Variants in APC observed in about 807,000 individuals in gnomAD.
APC encodes the protein APC regulator of Wnt signaling pathway.
A neutral mutation model predicts 247.0 loss-of-function variants in APC; 72 were observed. That is an observed-to-expected ratio of 0.29 (90% CI 0.24 to 0.35). The LOEUF (loss-of-function observed/expected upper bound fraction) is 0.35. Among genes scored for constraint, APC ranks in the 10% least tolerant of loss-of-function variants. APC has a pLI of 1.00. For synonymous variants in APC, 1,254 were observed against 1,162.5 expected, an observed-to-expected ratio of 1.08 and a Z score of -1.60; for missense variants, 3,400 against 3,360.7, an observed-to-expected ratio of 1.01 and a Z score of -0.29.
chr5:112,758,290 C>T (rs528058282), intron 2 of APC, among the ~76,000 whole-genome samples: 58 of 151,354 alleles, frequency 3.8e-4, no homozygotes, highest in South Asian at 8.5e-4. Context: ...TAGAGCCCTC[C>T]CCCCAACTTG....
At chr5:112,754,526 A>G (rs1211400442) in intron 1 of APC, among the ~76,000 whole-genome samples, 1 of 152,154 alleles carries the variant, frequency 6.6e-6, no homozygotes, top group East Asian at 1.9e-4. Context: ...TATCATAATT[A>G]TATTTCCTAA....
intron 14 of APC, among the ~76,000 whole-genome samples, chr5:112,833,191 T>G (rs1173777220): frequency 6.6e-6 from 1 of 150,678 alleles, no homozygotes; most frequent in African/African-American, 2.4e-5. Flanking sequence ...TTTTTTTTTT[T>G]TTTTTTTTTG....
At chr5:112,788,745 A>G (rs1218896623) in intron 6 of APC, among the ~76,000 whole-genome samples, 1 of 152,204 alleles carries the variant, frequency 6.6e-6, no homozygotes, top group Non-Finnish European at 1.5e-5. Context: ...ATTATAAGTG[A>G]GAATTTCTTT....
Position 112,791,009 on chromosome 5 carries a change from A to G in APC, c.646-1437A>G, listed in dbSNP as rs74496175. Among the ~76,000 whole-genome samples, 202 of 152,296 alleles carry G rather than the reference A, an allele frequency of 1.3e-3. 4 individuals are homozygous for G. In the East Asian group the frequency reaches 0.036, roughly 27 times the overall value. ...GAATTATTACAGAAAATGGTACAAC[A>G]TTGTCAGTACTTGTTTTTAAAACAT... On this transcript the variant is annotated intron_variant, in intron 6 of 15. Coordinates refer to ENST00000257430, the MANE Select transcript of APC (RefSeq NM_000038.6).
chr5:112,740,284 AG>A (rs1752842023), intron 1 of APC, among the ~76,000 whole-genome samples: 1 of 152,180 alleles, frequency 6.6e-6, no homozygotes, highest in African/African-American at 2.4e-5. Flanking sequence ...TAAGTAGAAC[AG>A]TGTTAGATTG....
rs876658810 is a variant in APC at position 112,841,396 on chromosome 5, C to G, written c.5802C>G (p.Pro1934=). Reference sequence around the variant, plus strand: ...TACTTCAGAAACAATCCACTTTTCCCCAGTCATCCAAAGACATACCAGACA... The same window carrying G: ...TACTTCAGAAACAATCCACTTTTCCGCAGTCATCCAAAGACATACCAGACA... ...KPILQKQSTF[P]QSSKDIPDRG... The change falls in exon 16 of 16, where the codon CCC becomes CCG. Residue 1934 remains proline, a synonymous_variant. Transcript: ENST00000257430. The surrounding 1 kb of genome is among the most constrained non-coding windows in gnomAD (Gnocchi z 4.6). The G allele has an allele frequency of 2.5e-6, 4 of 1,613,820 alleles. No individual in the cohort carries two copies. Among genetic ancestry groups the G allele is most frequent in the Admixed American group, 3.3e-5 (2 of 60,016 alleles).
Position 112,842,694 on chromosome 5 carries a change from C to T in APC, c.7100C>T (p.Thr2367Ile), listed in dbSNP as rs1580678473. ...TCAGGTTCTGGAAAAATGTCATATA[C>T]ATCTCCAGGTAGACAGATGAGCCAA... The part of the protein sequence containing the change: ...KSSGSGKMSY[T>I]SPGRQMSQQN... Residue 2367 changes from threonine to isoleucine, a missense_variant, in exon 16 of 16, where the codon ACA (threonine) becomes ATA (isoleucine). By Grantham distance (89) the Thr-to-Ile change is moderately conservative. This residue lies in a region of APC where 1,788 missense variants were observed against 1,649.5 expected (regional missense o/e 1.08). Transcript: ENST00000257430. The T allele has an allele frequency of 1.9e-6, 3 of 1,613,152 alleles. No homozygotes were observed. Among genetic ancestry groups the T allele is most frequent in the Non-Finnish European group, 1.7e-6 (2 of 1,179,164 alleles).
Position 112,842,658 on chromosome 5 carries a change from C to T in APC, c.7064C>T (p.Ser2355Leu), listed in dbSNP as rs1766367247. 6.2e-7 allele frequency: 1 copy of T among 1,613,798 alleles called. No homozygotes were observed. Among genetic ancestry groups the T allele is most frequent in the Non-Finnish European group, 8.5e-7 (1 of 1,179,748 alleles). ...AGGACATCATCCCCTAGTACTGCTT[C>T]AACTAAGTCCTCAGGTTCTGGAAAA... The part of the protein sequence containing the change: ...LPRTSSPSTA[S>L]TKSSGSGKMS... Residue 2355 changes from serine (S) to leucine (L), a missense_variant, in exon 16 of 16, where the codon TCA becomes TTA. Coordinates refer to ENST00000257430, the MANE Select transcript of APC (RefSeq NM_000038.6).
intron 8 of APC, among the ~76,000 whole-genome samples, chr5:112,814,535 G>A (rs1247661167): frequency 6.6e-6 from 1 of 152,108 alleles, no homozygotes; most frequent in Non-Finnish European, 1.5e-5. Context: ...TTCAGTTCAA[G>A]CCAATTAATT....
Position 112,845,835 on chromosome 5 carries a change from A to T in APC, c.*1709A>T, listed in dbSNP as rs1580699712. 1 of 232,052 alleles carries T rather than the reference A, an allele frequency of 4.3e-6. No homozygotes were observed. 14.4% of individuals were successfully genotyped at this position (232,052 alleles called of 1,614,324 possible). On this transcript the variant is annotated 3_prime_UTR_variant, in exon 16 of 16. Coordinates refer to ENST00000257430, the MANE Select transcript of APC (RefSeq NM_000038.6). ...ATACATATTTGTTGAATAAATGAAA[A>T]TTTATTTTTAGTGATAAGATTCATA...
chr5:112,736,925 G>C (rs1037319497), upstream of APC, among the ~76,000 whole-genome samples: 6 of 151,968 alleles, frequency 3.9e-5, no homozygotes, highest in African/African-American at 9.7e-5. Context: ...AACAAACAAA[G>C]AAAACTTGAA....
intron 9 of APC, 130 bp from the exon 10 acceptor site, chr5:112,818,836 T>C (rs1762781456): frequency 1.2e-6 from 1 of 849,530 alleles, no homozygotes; most frequent in East Asian, 3.1e-5. Context: ...GGTTTTTTGT[T>C]TTTTTTTTGG....
At chr5:112,820,051 C>G (rs939792059) in intron 10 of APC, among the ~76,000 whole-genome samples, 4 of 152,070 alleles carry the variant, frequency 2.6e-5, no homozygotes, top group African/African-American at 9.7e-5. Context: ...ACCCTTAGAC[C>G]TCAGCCCCAC....
At chr5:112,736,602 A>G (rs1752401952), upstream of APC, among the ~76,000 whole-genome samples, 1 of 152,184 alleles carries the variant, frequency 6.6e-6, no homozygotes, top group South Asian at 2.1e-4. Flanking sequence ...AGAAACGATT[A>G]TAATATGCTT....
At chr5:112,820,831 A>T (rs1763043987) in intron 10 of APC, among the ~76,000 whole-genome samples, 2 of 152,078 alleles carry the variant, frequency 1.3e-5, no homozygotes, top group Admixed American at 6.6e-5. Flanking sequence ...TTTTTGTATT[A>T]GAGATCACAT....
chr5:112,754,811 TA>T, intron 1 of APC, 61 bp from the exon 2 acceptor site: 1 of 1,536,832 alleles, frequency 6.5e-7, no homozygotes, highest in Non-Finnish European at 9.0e-7. Context: ...CCCCTTTCTT[TA>T]AAAACAAGCA....
chr5:112,779,813 G>A (rs2149635143), intron 5 of APC, among the ~76,000 whole-genome samples: 1 of 152,262 alleles, frequency 6.6e-6, no homozygotes, highest in South Asian at 2.1e-4. Context: ...AATGCATTCT[G>A]CATATGAATG....
rs1765826793 is a variant in APC, at chr5:112,840,604, T to C, written c.5010T>C (p.Ala1670=). The change falls in exon 16 of 16, where the codon GCT becomes GCC. Residue 1670 remains alanine, a synonymous_variant. Coordinates refer to ENST00000257430, the MANE Select transcript of APC (RefSeq NM_000038.6). The surrounding 1 kb of genome is among the most constrained non-coding windows in gnomAD (Gnocchi z 4.1). ...TCGAATCCCCTCCAAATGAGTTAGC[T>C]GCTGGAGAAGGAGTTAGAGGAGGGG... ...LTIESPPNEL[A]AGEGVRGGAQ... 1 of 1,614,114 alleles carries C rather than the reference T, an allele frequency of 6.2e-7. No individual in the cohort carries two copies. The highest frequency in any genetic ancestry group is 8.5e-7 in the Non-Finnish European group (1 of 1,180,000).
intron 2 of APC, among the ~76,000 whole-genome samples, chr5:112,761,091 G>A (rs553292550): frequency 1.2e-3 from 182 of 152,158 alleles, no homozygotes; most frequent in Non-Finnish European, 2.4e-3. Flanking sequence ...TTACAGGTGT[G>A]AGCCACCACC....
Sources: gnomAD v4.1 joint callset for allele counts (sites outside exome capture counted in the v4.1 genomes callset) on GRCh38, gnomAD v4.1.1 for gene constraint, gnomAD v4.1.1 regional missense constraint, Gnocchi (gnomAD v3.1) non-coding constraint, MANE v1.5 for transcripts, NCBI Gene and HGNC (gene_info 2026-07-23, HGNC 2026-07-21) for gene names.